The following PCDHGA12 variants were observed in gnomAD, a reference collection of about 807,000 sequenced individuals.
PCDHGA12 encodes the protein protocadherin gamma subfamily A, 12.
Under a neutral mutation model 61.1 loss-of-function variants are expected in PCDHGA12, and 43 were observed. The observed-to-expected ratio is 0.70, with a 90% CI of 0.55 to 0.91. The LOEUF is 0.91. Among genes scored for constraint, PCDHGA12 ranks in the 40% least tolerant of loss-of-function variants. The probability of loss-of-function intolerance (pLI) is 0.00; values close to 1 mark genes in which losing one functional copy is unlikely to be tolerated. For missense variants in PCDHGA12, 1,236 were observed against 1,227.7 expected, an observed-to-expected ratio of 1.01 and a Z score of -0.10; for synonymous variants, 520 against 542.9, an observed-to-expected ratio of 0.96 and a Z score of 0.59.
intron 1 of PCDHGA12, among the ~76,000 whole-genome samples, chr5:141,494,463 C>G (rs1178793763): frequency 6.6e-6 from 1 of 152,154 alleles, no homozygotes; most frequent in Non-Finnish European, 1.5e-5. Context: ...TTGTCTGCAC[C>G]TCTTCCCCCA....
At position 141,431,684 on chromosome 5, in the gene PCDHGA12, C is replaced by A. The variant is rs1017231854; in HGVS notation, c.925C>A (p.His309Asn). Residue 309 changes from histidine (H) to asparagine (N), a missense_variant, in exon 1 of 4, where the codon CAC becomes AAC. Transcript: ENST00000252085. This position sits in a 1 kb window ranked among gnomAD's most constrained non-coding sequence, Gnocchi z 4.8. ...GTISTIGELD[H>N]EESGFYQMEV... Reference sequence around the variant, plus strand: ...AATATCAACAATAGGGGAGTTGGACCACGAGGAGTCAGGATTCTACCAGAT... The same window carrying A: ...AATATCAACAATAGGGGAGTTGGACAACGAGGAGTCAGGATTCTACCAGAT... The A allele has an allele frequency of 1.9e-6, 3 of 1,614,186 alleles. No homozygotes were observed. Among genetic ancestry groups the A allele is most frequent in the Admixed American group, 1.7e-5 (1 of 60,032 alleles).
At position 141,430,796 on chromosome 5, in the gene PCDHGA12, C is replaced by T. The variant is rs1347347402; in HGVS notation, c.37C>T (p.Leu13Phe). Residue 13 changes from leucine to phenylalanine, a missense_variant, in exon 1 of 4, where the codon CTT (leucine) becomes TTT (phenylalanine). Physicochemically the swap from Leu to Phe is conservative, Grantham distance 22. Coordinates refer to ENST00000252085, the MANE Select transcript of PCDHGA12 (RefSeq NM_003735.3). ...GCGACTGCACCGGGACTACAAAGGG[C>T]TTGTCCTGCTGGGAATCCTCCTGGG... ...PARLHRDYKG[L>F]VLLGILLGTL... The T allele has an allele frequency of 6.6e-6, 10 of 1,522,232 alleles. No individual in the cohort carries two copies. The highest frequency in any genetic ancestry group is 8.8e-6 in the Non-Finnish European group (10 of 1,137,788). 94.3% of individuals were successfully genotyped at this position (1,522,232 alleles called of 1,614,324 possible).
intron 2 of PCDHGA12, among the ~76,000 whole-genome samples, chr5:141,502,787 G>T (rs2099816081): frequency 6.6e-6 from 1 of 151,394 alleles, no homozygotes; most frequent in African/African-American, 2.4e-5. Flanking sequence ...TTACCTGGAT[G>T]ATTTCTTCAG....
intron 1 of PCDHGA12, among the ~76,000 whole-genome samples, chr5:141,468,178 T>G (rs1033546956): frequency 1.3e-5 from 2 of 151,580 alleles, no homozygotes; most frequent in African/African-American, 4.8e-5. Context: ...TAGAAAAATT[T>G]GCTGGGCATG....
intron 1 of PCDHGA12, among the ~76,000 whole-genome samples, chr5:141,450,561 A>G (rs1381887193): frequency 6.6e-6 from 1 of 151,856 alleles, no homozygotes; most frequent in Admixed American, 6.6e-5. Flanking sequence ...GTCTCGGCTC[A>G]CTGCAACTTC....
intron 1 of PCDHGA12, chr5:141,441,743 C>T (rs1298220876): frequency 1.4e-5 from 5 of 367,166 alleles, no homozygotes; most frequent in Non-Finnish European, 2.2e-5. Context: ...AGCTCGCGCT[C>T]GGCGTCAACG....
chr5:141,471,046 C>CTTTT (rs1170588345), intron 1 of PCDHGA12, among the ~76,000 whole-genome samples: 3 of 113,278 alleles, frequency 2.6e-5, no homozygotes, highest in African/African-American at 7.1e-5. Flanking sequence ...CCCAAGCCCT[C>CTTTT]TTTTTTTTTT....
intron 1 of PCDHGA12, chr5:141,478,260 T>C (rs1340624663): frequency 6.2e-7 from 1 of 1,614,182 alleles, no homozygotes; most frequent in East Asian, 2.2e-5. Context: ...GTAATCATAT[T>C]CAAAGTTTAC....
intron 1 of PCDHGA12, among the ~76,000 whole-genome samples, chr5:141,473,611 G>C (rs2099325261): frequency 6.6e-6 from 1 of 152,140 alleles, no homozygotes; most frequent in Non-Finnish European, 1.5e-5. Context: ...GCAAAGCAAA[G>C]GGAGGGAGGA....
At chr5:141,503,981 C>T (rs774655880) in intron 2 of PCDHGA12, among the ~76,000 whole-genome samples, 4 of 152,300 alleles carry the variant, frequency 2.6e-5, no homozygotes, top group East Asian at 1.9e-4. Flanking sequence ...CCAAACCCTT[C>T]TTCTTACCTT....
Position 141,454,549 on chromosome 5 carries a change from G to A in PCDHGA12, c.2424+21366G>A, listed in dbSNP as rs188623155. ...AGCCTCCCAAGTAGCTGAGATTACA[G>A]GCATGTGCCACCACGCCCGGCTAAT... On this transcript the variant is annotated intron_variant, in intron 1 of 3. Transcript: ENST00000252085. Among the ~76,000 whole-genome samples, 406 of 152,154 alleles carry A rather than the reference G, an allele frequency of 2.7e-3. 2 individuals are homozygous for A. The highest frequency in any genetic ancestry group is 0.021 in the South Asian group (99 of 4,814).
At chr5:141,446,263 C>T (rs2098496356) in intron 1 of PCDHGA12, among the ~76,000 whole-genome samples, 1 of 152,010 alleles carries the variant, frequency 6.6e-6, no homozygotes, top group East Asian at 1.9e-4. Flanking sequence ...ATATTATTAA[C>T]TGAATAAATA....
At position 141,438,276 on chromosome 5, in the gene PCDHGA12, ATAATT is replaced by A. The variant is rs533892835; in HGVS notation, c.2424+5098_2424+5102del. ...TGAAGAGACCATAGAATCAAACAAA[ATAATT>A]TAATCTGTATGTAAAAGAAGTTGGT... On this transcript the variant is annotated intron_variant, in intron 1 of 3. Coordinates refer to ENST00000252085, the MANE Select transcript of PCDHGA12 (RefSeq NM_003735.3). 1.4e-3 allele frequency among the ~76,000 whole-genome samples: 213 copies of A among 152,246 alleles called. 1 individual carries two copies. The highest frequency in any genetic ancestry group is 4.8e-3 in the African/African-American group (199 of 41,534).
rs1591273286 is a variant in PCDHGA12, at chr5:141,433,311, T to A, written c.2424+128T>A. 11 of 870,402 alleles carry A rather than the reference T, an allele frequency of 1.3e-5. No individual in the cohort carries two copies. The East Asian group carries it at 2.9e-4, about 23-fold the overall frequency. 53.9% of individuals were successfully genotyped at this position (870,402 alleles called of 1,614,324 possible). A position where few individuals can be genotyped will look rare whatever the true frequency, so the allele number is the denominator to read the frequency against. On this transcript the variant is annotated intron_variant, in intron 1 of 3. Coordinates refer to ENST00000252085, the MANE Select transcript of PCDHGA12 (RefSeq NM_003735.3). Reference sequence around the variant, plus strand: ...TAGGCTCAAGCAATTATCCCACCTTTGCCTCCGGTGTAACAGGGACTACAG... The same window carrying A: ...TAGGCTCAAGCAATTATCCCACCTTAGCCTCCGGTGTAACAGGGACTACAG...
chr5:141,486,828 G>A lies in PCDHGA12; in HGVS notation c.2425-7979G>A, dbSNP rs140257646. 77 of 1,614,218 alleles carry A rather than the reference G, an allele frequency of 4.8e-5. 1 individual carries two copies. In the East Asian group the frequency reaches 1.2e-3, roughly 26 times the overall value. On this transcript the variant is annotated intron_variant, in intron 1 of 3. Transcript: ENST00000252085. This position sits in a 1 kb window ranked among gnomAD's most constrained non-coding sequence, Gnocchi z 5.0. ...CCCCTTAGCAGCACTGTAACAGTTCGTCTATTTGTGCTGGACCTCAATGAC... is the reference window on the plus strand; with the variant it reads ...CCCCTTAGCAGCACTGTAACAGTTCATCTATTTGTGCTGGACCTCAATGAC...
intron 1 of PCDHGA12, among the ~76,000 whole-genome samples, chr5:141,467,341 C>T (rs1169830103): frequency 6.6e-6 from 1 of 152,214 alleles, no homozygotes; most frequent in Non-Finnish European, 1.5e-5. Context: ...ACGTAAGCCA[C>T]TGCCCCCGGC....
rs1316573600 is a variant in PCDHGA12 at position 141,490,443 on chromosome 5, G to A, written c.2425-4364G>A. The A allele has an allele frequency of 1.2e-6, 2 of 1,614,174 alleles. No individual in the cohort carries two copies. Among genetic ancestry groups the A allele is most frequent in the Non-Finnish European group, 8.5e-7 (1 of 1,180,042 alleles). On this transcript the variant is annotated intron_variant, in intron 1 of 3. Coordinates refer to ENST00000252085, the MANE Select transcript of PCDHGA12 (RefSeq NM_003735.3). The surrounding 1 kb of genome is among the most constrained non-coding windows in gnomAD (Gnocchi z 5.4). ...TGCCATTTCAGATTAAGCCTTCTGA[G>A]AACCACTACTCGCTGCTAACCAGCC...
rs774780380 is a variant in PCDHGA12 at position 141,432,864 on chromosome 5, G to C, written c.2105G>C (p.Cys702Ser). ...YLVVAVAAVS[C>S]VFLAFVILLL... Reference sequence around the variant, plus strand: ...GTGGTAGCGGTGGCCGCGGTCTCCTGCGTCTTCCTGGCCTTCGTCATCTTG... The same window carrying C: ...GTGGTAGCGGTGGCCGCGGTCTCCTCCGTCTTCCTGGCCTTCGTCATCTTG... Residue 702 changes from cysteine to serine, a missense_variant, in exon 1 of 4, where the codon TGC becomes TCC. Cys to Ser is a moderately radical substitution (Grantham distance 112). Coordinates refer to ENST00000252085, the MANE Select transcript of PCDHGA12 (RefSeq NM_003735.3). The surrounding 1 kb of genome is among the most constrained non-coding windows in gnomAD (Gnocchi z 6.0). 6.2e-7 allele frequency: 1 copy of C among 1,614,168 alleles called. No homozygotes were observed.
At position 141,511,574 on chromosome 5, in the gene PCDHGA12, GT is replaced by G. The variant is rs1158598698; in HGVS notation, c.*403del. ...CAGTTCCTCTTTCCCGAGTAAGGTG[GT>G]TGGGGTGTTGAAGTACCAAGTAACC... On this transcript the variant is annotated 3_prime_UTR_variant, in exon 4 of 4. Coordinates refer to ENST00000252085, the MANE Select transcript of PCDHGA12 (RefSeq NM_003735.3). 3.5e-6 allele frequency: 1 copy of G among 287,556 alleles called. No individual in the cohort carries two copies. The highest frequency in any genetic ancestry group is 2.2e-5 in the African/African-American group (1 of 46,340). 17.8% of individuals were successfully genotyped at this position (287,556 alleles called of 1,614,324 possible).
Sources: allele counts gnomAD v4.1 joint callset (sites outside exome capture counted in the v4.1 genomes callset), GRCh38; gene constraint gnomAD v4.1.1; non-coding constraint Gnocchi (gnomAD v3.1); transcripts MANE v1.5; gene names NCBI Gene and HGNC (gene_info 2026-07-23, HGNC 2026-07-21).